Variants in RANBP2 observed in about 807,000 individuals in gnomAD.
RANBP2 encodes E3 SUMO-protein ligase RanBP2.
A neutral mutation model predicts 303.6 loss-of-function variants in RANBP2; 57 were observed. The ratio of observed to expected loss-of-function variants is 0.19; its 90% CI spans 0.15 to 0.23. RANBP2 has a LOEUF of 0.23. Ranked by LOEUF, RANBP2 falls within the 10% of genes least tolerant of loss-of-function variation. RANBP2 has a pLI of 1.00. For missense variants in RANBP2, 3,138 were observed against 3,780.8 expected (o/e 0.83, Z 4.46); for synonymous variants, 1,167 against 1,301.5 (o/e 0.90, Z 2.23).
the RANBP2 span, among the ~76,000 whole-genome samples, chr2:109,480,815 A>T: frequency 6.6e-6 from 1 of 152,112 alleles, no homozygotes; most frequent in Non-Finnish European, 1.5e-5. Flanking sequence ...GGCTCTCTCT[A>T]GCTGGGACCT....
chr2:109,629,306 TA>T, the RANBP2 span, among the ~76,000 whole-genome samples: 1 of 4,304 alleles, frequency 2.3e-4, no homozygotes, highest in African/African-American at 6.6e-4. Context: ...CCTAAAGATA[TA>T]TATATATATA....
Position 108,764,346 on chromosome 2 carries a change from T to C in RANBP2, c.3807T>C (p.Leu1269=). The stretch of plus-strand genomic sequence containing the variant: ...ACAGATCTTTTGTATGGCATGCCCT[T>C]GATTATGCAGATGAGTTGCCAAAAC... ...GSDRSFVWHA[L]DYADELPKPE... Residue 1269 remains leucine, a synonymous_variant, in exon 20 of 29, where the codon CTT becomes CTC. Coordinates refer to ENST00000283195, the MANE Select transcript of RANBP2 (RefSeq NM_006267.5). 1.9e-6 allele frequency: 3 copies of C among 1,613,820 alleles called. No individual in the cohort carries two copies. Among genetic ancestry groups the C allele is most frequent in the Non-Finnish European group, 2.5e-6 (3 of 1,179,972 alleles).
chr2:109,413,714 A>G, the RANBP2 span, among the ~76,000 whole-genome samples: 1 of 152,178 alleles, frequency 6.6e-6, no homozygotes, highest in Non-Finnish European at 1.5e-5. Context: ...CACAGCATAG[A>G]CATGTCATGA....
At chr2:108,908,462 C>A in the RANBP2 span, among the ~76,000 whole-genome samples, 12 of 152,234 alleles carry the variant, frequency 7.9e-5, no homozygotes, top group Non-Finnish European at 1.6e-4. Flanking sequence ...TCCATGCTGG[C>A]TCTCTGGAGT....
chr2:109,457,169 C>T, the RANBP2 span, among the ~76,000 whole-genome samples: 6 of 152,068 alleles, frequency 3.9e-5, no homozygotes, highest in Non-Finnish European at 7.3e-5. Context: ...GTTAGTTTGA[C>T]GAATGCATAA....
the RANBP2 span, chr2:109,432,388 G>T: frequency 1.5e-6 from 2 of 1,351,142 alleles, no homozygotes; most frequent in Non-Finnish European, 2.0e-6. Flanking sequence ...ATAGACTCTA[G>T]TGGGTCTTTT....
At chr2:109,588,233 TA>T in the RANBP2 span, among the ~76,000 whole-genome samples, 1 of 151,868 alleles carries the variant, frequency 6.6e-6, no homozygotes, top group African/African-American at 2.4e-5. Flanking sequence ...GCCCACAGTA[TA>T]AAAAATGATC....
chr2:108,811,247 C>CTCTTTTTTTTTT, the RANBP2 span, among the ~76,000 whole-genome samples: 28 of 113,916 alleles, frequency 2.5e-4, 1 homozygote, highest in Admixed American at 7.9e-4. Context: ...TTCTCTCTCT[C>CTCTTTTTTTTTT]TTTTTTTTTT....
the RANBP2 span, among the ~76,000 whole-genome samples, chr2:109,682,747 C>T: frequency 5.3e-5 from 8 of 152,144 alleles, no homozygotes; most frequent in African/African-American, 1.2e-4. Flanking sequence ...CCAGACCAAC[C>T]CGGGCAACAT....
the RANBP2 span, among the ~76,000 whole-genome samples, chr2:109,030,456 A>G: frequency 6.6e-6 from 1 of 152,240 alleles, no homozygotes; most frequent in African/African-American, 2.4e-5. Flanking sequence ...GATAATGTGT[A>G]TAGTAGCACC....
chr2:109,568,078 C>G, the RANBP2 span: 1 of 911,590 alleles, frequency 1.1e-6, no homozygotes, highest in Non-Finnish European at 1.6e-6. Flanking sequence ...ATGAATTTCC[C>G]TAAACCTAGA....
the RANBP2 span, among the ~76,000 whole-genome samples, chr2:109,350,993 T>A: frequency 1.5e-4 from 23 of 152,272 alleles, no homozygotes; most frequent in Non-Finnish European, 2.9e-4. Flanking sequence ...TGTTTGCTTT[T>A]GAATAGTCCT....
At chr2:109,628,259 T>C in the RANBP2 span, among the ~76,000 whole-genome samples, 3 of 152,140 alleles carry the variant, frequency 2.0e-5, no homozygotes, top group African/African-American at 7.2e-5. Context: ...TTTGGGAGGC[T>C]AAAGTGGGTG....
the RANBP2 span, among the ~76,000 whole-genome samples, chr2:109,560,163 G>A: frequency 2.0e-5 from 3 of 151,940 alleles, no homozygotes; most frequent in Non-Finnish European, 2.9e-5. Flanking sequence ...CTCGTGATCC[G>A]CCCGCCTCAG....
the RANBP2 span, among the ~76,000 whole-genome samples, chr2:109,404,351 C>G: frequency 6.6e-6 from 1 of 152,200 alleles, no homozygotes; most frequent in Non-Finnish European, 1.5e-5. Context: ...GAGCTCGAGG[C>G]CTGGCGGGGA....
chr2:109,491,624 C>T, the RANBP2 span, among the ~76,000 whole-genome samples: 1 of 152,154 alleles, frequency 6.6e-6, no homozygotes, highest in African/African-American at 2.4e-5. Context: ...GGGCTAGAGG[C>T]GTACCTGGCT....
chr2:109,619,913 G>GA, the RANBP2 span, among the ~76,000 whole-genome samples: 1 of 152,140 alleles, frequency 6.6e-6, no homozygotes, highest in Non-Finnish European at 1.5e-5. Context: ...TAGAGGGTTG[G>GA]AAGATGACTC....
chr2:109,306,341 T>A, the RANBP2 span, among the ~76,000 whole-genome samples: 2 of 152,194 alleles, frequency 1.3e-5, no homozygotes, highest in Non-Finnish European at 2.9e-5. Context: ...TGTCCCTGCC[T>A]CCAACCCCTG....
chr2:108,892,016 G>C, the RANBP2 span, among the ~76,000 whole-genome samples: 32 of 152,276 alleles, frequency 2.1e-4, no homozygotes, highest in African/African-American at 7.7e-4. Flanking sequence ...GGCTGTGCAG[G>C]TTTGTGCTCA....
Sources: allele counts gnomAD v4.1 joint callset (sites outside exome capture counted in the v4.1 genomes callset), GRCh38; gene constraint gnomAD v4.1.1; transcripts MANE v1.5; gene names NCBI Gene and HGNC (gene_info 2026-07-23, HGNC 2026-07-21).